Variants in CSMD1 observed in about 807,000 individuals in gnomAD.
The protein encoded by CSMD1 is CUB and Sushi multiple domains 1, also known as CUB and sushi domain-containing protein 1.
CSMD1 carries 213 observed loss-of-function variants against 417.5 expected under a neutral mutation model. The ratio of observed to expected loss-of-function variants is 0.51; its 90% CI spans 0.46 to 0.57. The LOEUF is 0.57. Among genes scored for constraint, CSMD1 ranks in the 20% least tolerant of loss-of-function variants. The pLI is 0.00. For synonymous variants in CSMD1, 2,862 were observed against 1,736.8 expected (o/e 1.65, Z -16.11); for missense variants, 6,923 against 4,529.7 (o/e 1.53, Z -15.17).
intron 10 of CSMD1, among the ~76,000 whole-genome samples, chr8:3,544,328 C>G (rs1333486585): frequency 1.3e-5 from 2 of 152,102 alleles, no homozygotes; most frequent in East Asian, 3.9e-4. Flanking sequence ...TATAGTAATT[C>G]AGAAAATTAA....
chr8:3,729,402 AG>A (rs1802690808), intron 6 of CSMD1, among the ~76,000 whole-genome samples: 1 of 152,164 alleles, frequency 6.6e-6, no homozygotes, highest in African/African-American at 2.4e-5. Flanking sequence ...GTCAGTTCTT[AG>A]GCACAACTCT....
At chr8:4,104,033 C>A (rs557223160) in intron 3 of CSMD1, among the ~76,000 whole-genome samples, 1 of 152,232 alleles carries the variant, frequency 6.6e-6, no homozygotes, top group Non-Finnish European at 1.5e-5. Flanking sequence ...CTGCCCCAGC[C>A]TGGCCCTTCT....
chr8:3,513,765 C>G (rs1393444892), intron 10 of CSMD1, among the ~76,000 whole-genome samples: 1 of 152,180 alleles, frequency 6.6e-6, no homozygotes, highest in Non-Finnish European at 1.5e-5. Context: ...CAGAGTGCAG[C>G]TTCACCAAAC....
At chr8:3,526,646 C>G (rs1427139693) in intron 10 of CSMD1, among the ~76,000 whole-genome samples, 1 of 152,138 alleles carries the variant, frequency 6.6e-6, no homozygotes, top group Non-Finnish European at 1.5e-5. Flanking sequence ...CCTTCCCGAT[C>G]GATATTTTAC....
intron 2 of CSMD1, among the ~76,000 whole-genome samples, chr8:4,454,047 C>T (rs1451083688): frequency 1.3e-5 from 2 of 151,982 alleles, no homozygotes; most frequent in African/African-American, 4.8e-5. Flanking sequence ...TGGTCTCGAT[C>T]TCCTGACCTC....
At chr8:4,206,394 T>C (rs1270839099) in intron 3 of CSMD1, among the ~76,000 whole-genome samples, 1 of 151,930 alleles carries the variant, frequency 6.6e-6, no homozygotes, top group African/African-American at 2.4e-5. Context: ...CCACCCTGTC[T>C]CCAACTGTTC....
At chr8:4,212,810 G>C (rs1214473058) in intron 3 of CSMD1, among the ~76,000 whole-genome samples, 1 of 125,514 alleles carries the variant, frequency 8.0e-6, no homozygotes, top group African/African-American at 3.3e-5. Flanking sequence ...GCTTTTACCA[G>C]CCAGTTCATG....
At position 3,760,782 on chromosome 8, in the gene CSMD1, C is replaced by A. The variant is rs537082969; in HGVS notation, c.819-6740G>T. ...ATCAGAGAAATGTCTGGGGGTCCCTCTGCAGTTAAGTCTCTTTAACTATGA... is the reference window on the plus strand; with the variant it reads ...ATCAGAGAAATGTCTGGGGGTCCCTATGCAGTTAAGTCTCTTTAACTATGA... On this transcript the variant is annotated intron_variant, in intron 5 of 69. Transcript: ENST00000635120. Among the ~76,000 whole-genome samples, 17 of 152,284 alleles carry A rather than the reference C, an allele frequency of 1.1e-4. No homozygotes were observed. In the South Asian group the frequency reaches 3.1e-3, roughly 28 times the overall value.
At chr8:3,270,505 A>G (rs778611275) in intron 26 of CSMD1, among the ~76,000 whole-genome samples, 21 of 152,364 alleles carry the variant, frequency 1.4e-4, no homozygotes, top group Admixed American at 9.1e-4. Flanking sequence ...TCATAAAACT[A>G]TTCTGCCTGA....
At chr8:3,891,179 G>A (rs1451733553) in intron 5 of CSMD1, among the ~76,000 whole-genome samples, 1 of 151,976 alleles carries the variant, frequency 6.6e-6, no homozygotes, top group Admixed American at 6.6e-5. Flanking sequence ...CCAAGAAGCT[G>A]GGACCACAGG....
chr8:3,036,804 T>C (rs1810707197), intron 50 of CSMD1, among the ~76,000 whole-genome samples: 1 of 152,190 alleles, frequency 6.6e-6, no homozygotes. Context: ...AACATGGGAT[T>C]CTTTTCTTTT....
rs146433114 is a variant in CSMD1 at position 3,782,514 on chromosome 8, G to A, written c.819-28472C>T. 3.0e-3 allele frequency among the ~76,000 whole-genome samples: 455 copies of A among 152,306 alleles called. 7 individuals carry two copies. Among genetic ancestry groups the A allele is most frequent in the African/African-American group, 0.011 (437 of 41,566 alleles). ...GTGCTTTTTAAAAAGGAGGCTGGGGGAGGGATAGCATGAGGAGAAATACCT... is the reference window on the plus strand; with the variant it reads ...GTGCTTTTTAAAAAGGAGGCTGGGGAAGGGATAGCATGAGGAGAAATACCT... On this transcript the variant is annotated intron_variant, in intron 5 of 69. Coordinates refer to ENST00000635120, the MANE Select transcript of CSMD1 (RefSeq NM_033225.6).
intron 10 of CSMD1, among the ~76,000 whole-genome samples, chr8:3,497,668 C>T (rs1354644762): frequency 2.0e-5 from 3 of 152,192 alleles, no homozygotes; most frequent in Non-Finnish European, 4.4e-5. Context: ...GTAATGTCTT[C>T]AGTTTAGTCT....
At chr8:4,527,476 G>GTATCACT (rs1796576335) in intron 2 of CSMD1, among the ~76,000 whole-genome samples, 1 of 152,166 alleles carries the variant, frequency 6.6e-6, no homozygotes, top group Non-Finnish European at 1.5e-5. Context: ...AAGTTGGTGA[G>GTATCACT]TTGTCAGTGT....
Position 3,284,205 on chromosome 8 carries a change from G to A in CSMD1, c.4092C>T (p.Leu1364=). The change falls in exon 26 of 70, where the codon CTC becomes CTT. Residue 1364 remains leucine, a synonymous_variant. Transcript: ENST00000635120. ...PEDIHSTFNS[L]TLQFDSDFFI... ...AGAAGTCGCTGTCGAACTGCAGGGT[G>A]AGTGAGTTGAAGGTGCTGTGGATGT... is the stretch of plus-strand genomic sequence containing the variant. The A allele has an allele frequency of 1.2e-6, 2 of 1,608,578 alleles. No individual in the cohort carries two copies. Among genetic ancestry groups the A allele is most frequent in the Admixed American group, 1.7e-5 (1 of 59,058 alleles).
intron 2 of CSMD1, among the ~76,000 whole-genome samples, chr8:4,422,704 C>G (rs1043077317): frequency 1.3e-5 from 2 of 151,940 alleles, no homozygotes; most frequent in African/African-American, 4.8e-5. Flanking sequence ...CTAAGACACT[C>G]TAATATCAAA....
chr8:4,299,791 C>T (rs1011425858), intron 3 of CSMD1, among the ~76,000 whole-genome samples: 6 of 151,892 alleles, frequency 4.0e-5, no homozygotes, highest in South Asian at 2.1e-4. Context: ...CCACCACGCC[C>T]GCCTAATTTT....
intron 1 of CSMD1, among the ~76,000 whole-genome samples, chr8:4,978,718 A>G (rs1810704951): frequency 6.6e-6 from 1 of 152,130 alleles, no homozygotes; most frequent in African/African-American, 2.4e-5. Context: ...GGAATGGATT[A>G]CTTGAGGTCA....
chr8:4,515,557 C>A (rs1029017870), intron 2 of CSMD1, among the ~76,000 whole-genome samples: 1 of 152,134 alleles, frequency 6.6e-6, no homozygotes, highest in Non-Finnish European at 1.5e-5. Context: ...TAAGGATAAA[C>A]CCAGTTAAAT....
Sources: gnomAD v4.1 joint callset for allele counts (sites outside exome capture counted in the v4.1 genomes callset) on GRCh38, gnomAD v4.1.1 for gene constraint, MANE v1.5 for transcripts, NCBI Gene and HGNC (gene_info 2026-07-23, HGNC 2026-07-21) for gene names.